Variants in AOX1 observed in about 807,000 individuals in gnomAD.
The protein encoded by AOX1 is aldehyde oxidase.
In AOX1, 153 loss-of-function variants were observed where a neutral mutation model predicts 169.5. The observed-to-expected ratio is 0.90, with a 90% CI of 0.79 to 1.03. The LOEUF (loss-of-function observed/expected upper bound fraction) is 1.03. Among genes scored for constraint, AOX1 ranks in the 50% least tolerant of loss-of-function variants. The probability of loss-of-function intolerance (pLI) is 0.00; values close to 1 mark genes in which losing one functional copy is unlikely to be tolerated. For missense variants in AOX1, 1,656 were observed against 1,663.9 expected (o/e 1.00, Z 0.08); for synonymous variants, 562 against 581.9 (o/e 0.97, Z 0.49).
At chr2:200,659,638 T>G (rs1234183707) in intron 28 of AOX1, among the ~76,000 whole-genome samples, 1 of 152,220 alleles carries the variant, frequency 6.6e-6, no homozygotes, top group South Asian at 2.1e-4. Flanking sequence ...TTCATTGCCT[T>G]TTGCTCTAGC....
chr2:200,623,109 T>C (rs145742645), intron 18 of AOX1, among the ~76,000 whole-genome samples: 1 of 152,328 alleles, frequency 6.6e-6, no homozygotes, highest in African/African-American at 2.4e-5. Context: ...TTAAAATGAG[T>C]GATTACATTG....
At chr2:200,654,960 C>G (rs1394441444) in intron 26 of AOX1, among the ~76,000 whole-genome samples, 1 of 152,194 alleles carries the variant, frequency 6.6e-6, no homozygotes, top group Non-Finnish European at 1.5e-5. Context: ...GATAGACATG[C>G]TGTCTTGGAC....
intron 15 of AOX1, among the ~76,000 whole-genome samples, chr2:200,615,003 G>C (rs1025493072): frequency 3.5e-5 from 3 of 86,452 alleles, no homozygotes; most frequent in African/African-American, 1.1e-4. Flanking sequence ...AGCTTTTGTT[G>C]GTTTTATTTA....
At position 200,650,921 on chromosome 2, in the gene AOX1, G is replaced by A. The variant is rs2035566751; in HGVS notation, c.2848-53G>A. ...GACCAGGAGGATGGTGAATGGATGAGCCTATGTCTGCTGGGTTTCCCCTCC... is the reference window on the plus strand; with the variant it reads ...GACCAGGAGGATGGTGAATGGATGAACCTATGTCTGCTGGGTTTCCCCTCC... On this transcript the variant is annotated intron_variant, in intron 25 of 34. Coordinates refer to ENST00000374700, the MANE Select transcript of AOX1 (RefSeq NM_001159.4). 7 of 1,528,802 alleles carry A rather than the reference G, an allele frequency of 4.6e-6. No homozygotes were observed. In the South Asian group the frequency reaches 5.8e-5, roughly 13 times the overall value. 94.7% of individuals were successfully genotyped at this position (1,528,802 alleles called of 1,614,324 possible).
Position 200,670,761 on chromosome 2 carries a change from A to T in AOX1, c.*82A>T. On this transcript the variant is annotated 3_prime_UTR_variant, in exon 35 of 35. Transcript: ENST00000374700. ...CTATCTCTGTGCTGGAAGATGCTAGATCTGAAAGACAGAGTTTCCACAGTT... is the reference window on the plus strand; with the variant it reads ...CTATCTCTGTGCTGGAAGATGCTAGTTCTGAAAGACAGAGTTTCCACAGTT... 1.8e-6 allele frequency: 2 copies of T among 1,130,652 alleles called. No homozygotes were observed. The highest frequency in any genetic ancestry group is 2.6e-6 in the Non-Finnish European group (2 of 761,432). 70.0% of individuals were successfully genotyped at this position (1,130,652 alleles called of 1,614,324 possible). A position where few individuals can be genotyped will look rare whatever the true frequency, so the allele number is the denominator to read the frequency against.
chr2:200,651,197 G>C lies in AOX1; in HGVS notation c.3071G>C (p.Gly1024Ala), dbSNP rs558097510. 4.8e-5 allele frequency: 77 copies of C among 1,613,844 alleles called. No homozygotes were observed. In the South Asian group the frequency reaches 8.1e-4, roughly 17 times the overall value. ...GTTGGCCTTGGCTCACGTGCTGCTG[G>C]TCAGGTGAGTTCTCCAAATGCACAT... Reference protein sequence around the residue: ...FPVGLGSRAAGQAAALVHIYL... With the variant: ...FPVGLGSRAAAQAAALVHIYL... Residue 1024 changes from glycine to alanine, a missense_variant, in exon 26 of 35, where the codon GGT (glycine) becomes GCT (alanine). Transcript: ENST00000374700.
At chr2:200,619,227 A>G (rs945624760) in intron 16 of AOX1, among the ~76,000 whole-genome samples, 1 of 152,156 alleles carries the variant, frequency 6.6e-6, no homozygotes, top group Admixed American at 6.5e-5. Flanking sequence ...CCCTCCTGCC[A>G]TATGATGTGT....
intron 20 of AOX1, among the ~76,000 whole-genome samples, chr2:200,628,908 CAGA>C: frequency 6.6e-6 from 1 of 152,242 alleles, no homozygotes; most frequent in South Asian, 2.1e-4. Flanking sequence ...GCCTGGGTGA[CAGA>C]AGGAGACTCC....
intron 14 of AOX1, among the ~76,000 whole-genome samples, chr2:200,613,027 T>TGTGTGTGTGAGA (rs112472592): frequency 0.082 from 12,034 of 145,990 alleles, 580 homozygotes; most frequent in African/African-American, 0.11. Context: ...TGTGTGTGTG[T>TGTGTGTGTGAGA]GAGAGAGAGA....
intron 20 of AOX1, among the ~76,000 whole-genome samples, chr2:200,628,349 TAC>T (rs1165175257): frequency 6.6e-6 from 1 of 152,192 alleles, no homozygotes; most frequent in Admixed American, 6.5e-5. Context: ...TCTATTAATC[TAC>T]ACAGTTTATT....
At chr2:200,650,936 G>T (rs34436757) in intron 25 of AOX1, 38 bp from the exon 26 acceptor site, 106 of 1,595,394 alleles carry the variant, frequency 6.6e-5, no homozygotes, top group Non-Finnish European at 8.7e-5. Flanking sequence ...TGTCTGCTGG[G>T]TTTCCCCTCC....
chr2:200,620,948 A>C, intron 17 of AOX1, 129 bp downstream of exon 17: 1 of 1,309,748 alleles, frequency 7.6e-7, no homozygotes, highest in Non-Finnish European at 1.1e-6. Context: ...CAGAGGTGAA[A>C]CAGGATCGAA....
intron 10 of AOX1, 132 bp from the exon 11 acceptor site, chr2:200,608,852 A>G: frequency 1.3e-6 from 1 of 766,694 alleles, no homozygotes; most frequent in Non-Finnish European, 2.1e-6. Flanking sequence ...ATCACTGCCC[A>G]TCACCACCAT....
At chr2:200,652,241 C>T (rs993808675) in intron 26 of AOX1, among the ~76,000 whole-genome samples, 5 of 152,148 alleles carry the variant, frequency 3.3e-5, no homozygotes, top group Admixed American at 1.3e-4. Context: ...ATCCTGAGAA[C>T]ATTTGCATGC....
chr2:200,659,837 C>T (rs2035785806), intron 28 of AOX1, among the ~76,000 whole-genome samples, 158 bp from the exon 29 acceptor site: 2 of 151,916 alleles, frequency 1.3e-5, no homozygotes, highest in African/African-American at 4.8e-5. Flanking sequence ...TGCACACACT[C>T]ATATGAAACC....
Position 200,611,469 on chromosome 2 carries a change from A to G in AOX1, c.1239A>G (p.Ser413=). ...ADLKPQEILV[S]VNIPYSRKWE... Reference sequence around the variant, plus strand: ...TTAAGCCTCAAGAAATCTTGGTCTCAGTGAACATCCCCTACTCAAGGAAGG... The same window carrying G: ...TTAAGCCTCAAGAAATCTTGGTCTCGGTGAACATCCCCTACTCAAGGAAGG... Residue 413 remains serine (S), a synonymous_variant, in exon 13 of 35, where the codon TCA becomes TCG. Transcript: ENST00000374700. The G allele has an allele frequency of 1.2e-6, 2 of 1,612,826 alleles. No individual in the cohort carries two copies. The highest frequency in any genetic ancestry group is 1.7e-6 in the Non-Finnish European group (2 of 1,178,846).
At chr2:200,613,770 G>A (rs1415252056) in intron 14 of AOX1, 34 bp from the exon 15 acceptor site, 1 of 1,588,924 alleles carries the variant, frequency 6.3e-7, no homozygotes, top group Non-Finnish European at 8.6e-7. Context: ...AATAAACCCT[G>A]TCAGGCTAGG....
At chr2:200,678,689 C>G (rs1371727375), downstream of AOX1, 1 of 146,782 alleles carries the variant, frequency 6.8e-6, no homozygotes, top group African/African-American at 2.5e-5. Context: ...AAGAAAATAT[C>G]ATATCTTTTT....
rs139092129 is a variant in AOX1, at chr2:200,659,241, C to G, written c.3248C>G (p.Ala1083Gly). Reference protein sequence around the residue: ...RGTSTETVPNANISGGSVVAD... With the variant: ...RGTSTETVPNGNISGGSVVAD... ...ACAAGCACAGAAACTGTCCCTAATG[C>G]AAATATCTCTGGAGGTTCTGTGGTG... The change falls in exon 28 of 35, where the codon GCA becomes GGA. Residue 1083 changes from alanine to glycine, a missense_variant. Ala to Gly is a moderately conservative substitution (Grantham distance 60). Coordinates refer to ENST00000374700, the MANE Select transcript of AOX1 (RefSeq NM_001159.4). 5.2e-4 allele frequency: 833 copies of G among 1,613,938 alleles called. 7 individuals are homozygous for G. The African/African-American group carries it at 9.9e-3, about 19-fold the overall frequency.
Sources: allele counts gnomAD v4.1 joint callset (sites outside exome capture counted in the v4.1 genomes callset), GRCh38; gene constraint gnomAD v4.1.1; transcripts MANE v1.5; gene names NCBI Gene and HGNC (gene_info 2026-07-23, HGNC 2026-07-21).